CSMD1: variants seen among roughly 807,000 people sequenced by gnomAD.
CSMD1 encodes CUB and sushi domain-containing protein 1.
CSMD1 carries 213 observed loss-of-function variants against 417.5 expected under a neutral mutation model. The ratio of observed to expected loss-of-function variants is 0.51; its 90% CI spans 0.46 to 0.57. The LOEUF (loss-of-function observed/expected upper bound fraction) is 0.57, where lower values mean the gene tolerates loss of function less well. Ranked by LOEUF, CSMD1 falls within the 20% of genes least tolerant of loss-of-function variation. CSMD1 has a pLI of 0.00. For synonymous variants in CSMD1, 2,862 were observed against 1,736.8 expected (o/e 1.65, Z -16.11); for missense variants, 6,923 against 4,529.7 (o/e 1.53, Z -15.17).
intron 5 of CSMD1, among the ~76,000 whole-genome samples, chr8:3,851,428 G>T (rs1012258049): frequency 1.3e-5 from 2 of 152,130 alleles, no homozygotes; most frequent in Non-Finnish European, 1.5e-5. Context: ...ATTTCTCAGT[G>T]CTGAGTATTG....
intron 26 of CSMD1, among the ~76,000 whole-genome samples, chr8:3,260,359 G>A (rs895601863): frequency 6.6e-6 from 1 of 152,096 alleles, no homozygotes; most frequent in Non-Finnish European, 1.5e-5. Flanking sequence ...GGAGTTTTGT[G>A]TCGGGTGCCT....
At chr8:3,857,369 A>T (rs562969034) in intron 5 of CSMD1, among the ~76,000 whole-genome samples, 1 of 152,324 alleles carries the variant, frequency 6.6e-6, no homozygotes, top group African/African-American at 2.4e-5. Context: ...AAAGCTCCTA[A>T]GATTTAAAGA....
At chr8:4,090,258 T>G (rs1044626788) in intron 3 of CSMD1, among the ~76,000 whole-genome samples, 2 of 152,214 alleles carry the variant, frequency 1.3e-5, no homozygotes, top group East Asian at 1.9e-4. Context: ...TAAGCCCTGT[T>G]GTCAAAGAGC....
At chr8:4,273,370 G>C (rs1804721020) in intron 3 of CSMD1, among the ~76,000 whole-genome samples, 1 of 152,058 alleles carries the variant, frequency 6.6e-6, no homozygotes, top group Admixed American at 6.6e-5. Context: ...TCGAGAAATG[G>C]ATGGGTTTCT....
At chr8:3,387,894 T>G (rs1462536768) in intron 17 of CSMD1, among the ~76,000 whole-genome samples, 1 of 152,234 alleles carries the variant, frequency 6.6e-6, no homozygotes, top group Non-Finnish European at 1.5e-5. Flanking sequence ...GTTATGCTGT[T>G]TACCAGATAT....
At chr8:4,452,144 T>C (rs917169574) in intron 2 of CSMD1, among the ~76,000 whole-genome samples, 2 of 152,266 alleles carry the variant, frequency 1.3e-5, no homozygotes, top group East Asian at 3.9e-4. Flanking sequence ...CCAGCTTTCA[T>C]TGTGCTTGGG....
chr8:3,693,608 T>C (rs562893808), intron 7 of CSMD1, among the ~76,000 whole-genome samples: 2 of 152,202 alleles, frequency 1.3e-5, no homozygotes, highest in South Asian at 2.1e-4. Flanking sequence ...CCTTATTCCA[T>C]GAGAGAGACA....
chr8:3,765,624 G>A (rs142588014), intron 5 of CSMD1, among the ~76,000 whole-genome samples: 22 of 152,198 alleles, frequency 1.4e-4, no homozygotes, highest in African/African-American at 5.3e-4. Context: ...AAGTTATTAA[G>A]AGAAGTGAAC....
chr8:4,149,891 C>A (rs1251516309), intron 3 of CSMD1, among the ~76,000 whole-genome samples: 3 of 152,292 alleles, frequency 2.0e-5, no homozygotes, highest in South Asian at 4.1e-4. Flanking sequence ...CAGGTCCACT[C>A]TAATGTTCAG....
chr8:4,104,583 T>C (rs1035862984), intron 3 of CSMD1, among the ~76,000 whole-genome samples: 10 of 152,174 alleles, frequency 6.6e-5, no homozygotes, highest in Non-Finnish European at 1.2e-4. Context: ...ATAAATGAAT[T>C]AATAATTGCA....
At chr8:4,535,028 T>G (rs911487662) in intron 2 of CSMD1, among the ~76,000 whole-genome samples, 2 of 152,218 alleles carry the variant, frequency 1.3e-5, no homozygotes, top group Non-Finnish European at 2.9e-5. Flanking sequence ...CCCAAAGTGC[T>G]GGGATTACAG....
chr8:4,331,220 C>A (rs1799851349), intron 3 of CSMD1, among the ~76,000 whole-genome samples: 1 of 152,154 alleles, frequency 6.6e-6, no homozygotes, highest in Admixed American at 6.5e-5. Context: ...TACTGCCTCC[C>A]AGGTGAGTCC....
rs376999297 is a variant in CSMD1, at chr8:3,091,656, G to C, written c.7145C>G (p.Ser2382Cys). The C allele has an allele frequency of 6.2e-6, 10 of 1,607,442 alleles. No homozygotes were observed. The highest frequency in any genetic ancestry group is 7.6e-6 in the Non-Finnish European group (9 of 1,178,542). The change falls in exon 48 of 70, where the codon TCT (serine) becomes TGT (cysteine). Residue 2382 changes from serine to cysteine, a missense_variant. Transcript: ENST00000635120. Reference protein sequence around the residue: ...FDALEVFDGSSGQSPLLVVLS... With the variant: ...FDALEVFDGSCGQSPLLVVLS... Reference sequence around the variant, plus strand: ...GACTACTAGCAGAGGACTTTGCCCAGAAGAACCTAAGTGAAACAGAAAAAC... The same window carrying C: ...GACTACTAGCAGAGGACTTTGCCCACAAGAACCTAAGTGAAACAGAAAAAC...
chr8:4,057,429 G>A (rs992815169), intron 3 of CSMD1, among the ~76,000 whole-genome samples: 3 of 152,102 alleles, frequency 2.0e-5, no homozygotes, highest in East Asian at 1.9e-4. Context: ...GATTCTGGAT[G>A]TTAGCCCTTT....
chr8:3,535,537 C>G (rs926289239), intron 10 of CSMD1, among the ~76,000 whole-genome samples: 1 of 152,016 alleles, frequency 6.6e-6, no homozygotes, highest in Non-Finnish European at 1.5e-5. Flanking sequence ...ACCACGGAGA[C>G]TTGGAAGGGG....
At chr8:4,949,625 A>G (rs1010995915) in intron 1 of CSMD1, among the ~76,000 whole-genome samples, 3 of 152,142 alleles carry the variant, frequency 2.0e-5, no homozygotes, top group Non-Finnish European at 4.4e-5. Flanking sequence ...CCACATCCCC[A>G]ACCAAGAAGC....
intron 3 of CSMD1, among the ~76,000 whole-genome samples, chr8:4,140,423 G>C (rs1434624993): frequency 6.6e-6 from 1 of 150,868 alleles, no homozygotes; most frequent in Non-Finnish European, 1.5e-5. Context: ...GCTTGAACCT[G>C]GGAAGTGGAG....
chr8:4,698,211 T>C (rs1807265426), intron 1 of CSMD1, among the ~76,000 whole-genome samples: 1 of 151,988 alleles, frequency 6.6e-6, no homozygotes, highest in African/African-American at 2.4e-5. Flanking sequence ...ATTAATGTAA[T>C]TAAGTAAGCC....
chr8:3,144,203 A>T (rs1292360675), intron 40 of CSMD1, among the ~76,000 whole-genome samples: 1 of 152,128 alleles, frequency 6.6e-6, no homozygotes, highest in East Asian at 1.9e-4. Context: ...GTTCTGTCTC[A>T]TGTCACACGG....
Sources: gnomAD v4.1 joint callset for allele counts (sites outside exome capture counted in the v4.1 genomes callset) on GRCh38, gnomAD v4.1.1 for gene constraint, MANE v1.5 for transcripts, NCBI Gene and HGNC (gene_info 2026-07-23, HGNC 2026-07-21) for gene names.